SLC38A11: variants seen among roughly 807,000 people sequenced by gnomAD.
SLC38A11 encodes the protein putative sodium-coupled neutral amino acid transporter 11.
SLC38A11 carries 51 observed loss-of-function variants against 49.4 expected under a neutral mutation model. That is an observed-to-expected ratio of 1.03 (90% CI 0.83 to 1.30). The LOEUF (loss-of-function observed/expected upper bound fraction) is 1.30, where lower values mean the gene tolerates loss of function less well. Among genes scored for constraint, SLC38A11 ranks in the 50% most tolerant of loss-of-function variants. The pLI, the probability that SLC38A11 is intolerant of heterozygous loss-of-function variation, is 0.00. For missense variants in SLC38A11, 574 were observed against 556.2 expected, an observed-to-expected ratio of 1.03 and a Z score of -0.32; for synonymous variants, 203 against 192.9, an observed-to-expected ratio of 1.05 and a Z score of -0.43.
chr2:164,945,814 G>A (rs1463311622), intron 3 of SLC38A11, 87 bp from the exon 4 acceptor site: 2 of 1,459,874 alleles, frequency 1.4e-6, no homozygotes, highest in South Asian at 1.3e-5. Flanking sequence ...GAGAAAAGGG[G>A]AAATTTTAAA....
chr2:164,935,116 C>G (rs188547076), intron 7 of SLC38A11, among the ~76,000 whole-genome samples: 1 of 151,958 alleles, frequency 6.6e-6, no homozygotes, highest in Admixed American at 6.6e-5. Flanking sequence ...GGCACTGTCT[C>G]GGCTTCCCTT....
At chr2:164,906,952 G>A (rs1303756872) in intron 11 of SLC38A11, among the ~76,000 whole-genome samples, 1 of 152,124 alleles carries the variant, frequency 6.6e-6, no homozygotes, top group Non-Finnish European at 1.5e-5. Context: ...AATTCTCAAT[G>A]AAACGAGTAA....
intron 1 of SLC38A11, 38 bp from the exon 2 acceptor site, chr2:164,954,783 T>C: frequency 9.3e-7 from 1 of 1,071,686 alleles, no homozygotes; most frequent in South Asian, 1.7e-5. Context: ...AAATACTAGT[T>C]CAGAAAATTA....
At chr2:164,905,085 A>G (rs578175412) in intron 11 of SLC38A11, among the ~76,000 whole-genome samples, 2 of 152,084 alleles carry the variant, frequency 1.3e-5, no homozygotes, top group East Asian at 1.9e-4. Context: ...TAAGTACTCA[A>G]TACATGGTAG....
rs77381970 is a variant in SLC38A11, at chr2:164,936,094, G to A, written c.617+1256C>T. On this transcript the variant is annotated intron_variant, in intron 7 of 11. Coordinates refer to ENST00000685975, the MANE Select transcript of SLC38A11 (RefSeq NM_001351537.2). Reference sequence around the variant, plus strand: ...TTATGTTTTTTTGTTATGACATTCTGAGATGACCAATACAACTGTGAATCA... The same window carrying A: ...TTATGTTTTTTTGTTATGACATTCTAAGATGACCAATACAACTGTGAATCA... Among the ~76,000 whole-genome samples the A allele has an allele frequency of 1.2e-3, 185 of 152,186 alleles. 13 individuals carry two copies. In the East Asian group the frequency reaches 0.035, roughly 29 times the overall value.
rs201068627 is a variant in SLC38A11 at position 164,911,626 on chromosome 2, C to A, written c.963+10G>T. The A allele has an allele frequency of 2.0e-6, 3 of 1,466,156 alleles. No homozygotes were observed. Among genetic ancestry groups the A allele is most frequent in the South Asian group, 2.5e-5 (2 of 79,842 alleles). The allele number at this position is 1,466,156 out of a possible 1,614,324, so 90.8% of individuals were successfully genotyped here. On this transcript the variant is annotated intron_variant, in intron 10 of 11. Coordinates refer to ENST00000685975, the MANE Select transcript of SLC38A11 (RefSeq NM_001351537.2). Reference sequence around the variant, plus strand: ...ACCTGGGTAAAGCGTTGGGAAGGAACCGCGCTTACCTCTCTTGTCACAAAG... The same window carrying A: ...ACCTGGGTAAAGCGTTGGGAAGGAAACGCGCTTACCTCTCTTGTCACAAAG...
At chr2:164,911,564 T>C in intron 10 of SLC38A11, 72 bp downstream of exon 10, 5 of 729,894 alleles carry the variant, frequency 6.9e-6, no homozygotes, top group Non-Finnish European at 8.5e-6. Context: ...ACTGTATTAT[T>C]TATAAATCTT....
At chr2:164,910,470 G>T (rs528686553) in intron 10 of SLC38A11, among the ~76,000 whole-genome samples, 1 of 152,206 alleles carries the variant, frequency 6.6e-6, no homozygotes, top group South Asian at 2.1e-4. Flanking sequence ...AAAAAAATTA[G>T]TTCAGTCTAT....
intron 7 of SLC38A11, among the ~76,000 whole-genome samples, chr2:164,916,736 T>C (rs1359951412): frequency 6.6e-6 from 1 of 152,166 alleles, no homozygotes; most frequent in African/African-American, 2.4e-5. Flanking sequence ...TTAAACAGCT[T>C]GAAACAGGCT....
chr2:164,917,855 G>A (rs1424033778), intron 7 of SLC38A11, among the ~76,000 whole-genome samples: 1 of 151,764 alleles, frequency 6.6e-6, no homozygotes, highest in Non-Finnish European at 1.5e-5. Context: ...GGTTCCTTGG[G>A]TATATTCCCG....
chr2:164,934,516 T>G (rs1160002702), intron 7 of SLC38A11, among the ~76,000 whole-genome samples: 1 of 152,140 alleles, frequency 6.6e-6, no homozygotes, highest in Non-Finnish European at 1.5e-5. Flanking sequence ...GGCATCAGTA[T>G]TTTCTAAAGT....
At chr2:164,946,818 T>G (rs1445670677) in intron 3 of SLC38A11, among the ~76,000 whole-genome samples, 2 of 152,124 alleles carry the variant, frequency 1.3e-5, no homozygotes, top group South Asian at 4.1e-4. Context: ...TGCAAGCCAT[T>G]GCAATATGGT....
intron 7 of SLC38A11, among the ~76,000 whole-genome samples, chr2:164,933,474 T>A (rs558681972): frequency 2.0e-5 from 3 of 152,010 alleles, no homozygotes; most frequent in Non-Finnish European, 4.4e-5. Flanking sequence ...AAAGTAGAAT[T>A]TATGGCCCTA....
chr2:164,920,545 CG>C (rs1559103371), intron 7 of SLC38A11, among the ~76,000 whole-genome samples: 4 of 150,092 alleles, frequency 2.7e-5, no homozygotes, highest in Non-Finnish European at 5.9e-5. Context: ...AAGAGATATC[CG>C]AGGAGAAGAC....
At chr2:164,939,156 G>GA (rs1687573177) in intron 6 of SLC38A11, among the ~76,000 whole-genome samples, 1 of 151,984 alleles carries the variant, frequency 6.6e-6, no homozygotes, top group African/African-American at 2.4e-5. Context: ...CAATAAATTA[G>GA]ATTTGCTTTA....
Position 164,941,256 on chromosome 2 carries a change from C to T in SLC38A11, c.431-1700G>A, listed in dbSNP as rs898737091. ...TTGAAAAAATTTAAAAGCATGTGAA[C>T]ATGCTATTTTTTATACCAACATTTC... is the stretch of plus-strand genomic sequence containing the variant. On this transcript the variant is annotated intron_variant, in intron 5 of 11. Coordinates refer to ENST00000685975, the MANE Select transcript of SLC38A11 (RefSeq NM_001351537.2). Among the ~76,000 whole-genome samples the T allele has an allele frequency of 4.6e-5, 7 of 152,034 alleles. No homozygotes were observed. The South Asian group carries it at 1.5e-3, about 32-fold the overall frequency.
chr2:164,900,398 C>A (rs1016348832), intron 11 of SLC38A11, among the ~76,000 whole-genome samples: 9 of 151,992 alleles, frequency 5.9e-5, no homozygotes, highest in Admixed American at 4.6e-4. Context: ...ATTGACTATT[C>A]CAATGTACAT....
At position 164,939,467 on chromosome 2, in the gene SLC38A11, T is replaced by C; in HGVS notation, c.520A>G (p.Ile174Val). The stretch of plus-strand genomic sequence containing the variant: ...AAAATTACCTTTCCAAGCTTTGCTA[T>C]ATTTCGGTACAAGGATAAAGGCAGA... ...FTLPLSLYRN[I>V]AKLGKVSLIS... is the part of the protein sequence containing the mutation. Residue 174 changes from isoleucine (I) to valine (V), a missense_variant, in exon 6 of 12, where the codon ATA becomes GTA. Ile to Val is a conservative substitution (Grantham distance 29, BLOSUM62 3). Coordinates refer to ENST00000685975, the MANE Select transcript of SLC38A11 (RefSeq NM_001351537.2). The C allele has an allele frequency of 6.2e-7, 1 of 1,606,920 alleles. No individual in the cohort carries two copies. Among genetic ancestry groups the C allele is most frequent in the Non-Finnish European group, 8.5e-7 (1 of 1,175,938 alleles).
At chr2:164,938,576 T>C (rs1277289669) in intron 6 of SLC38A11, among the ~76,000 whole-genome samples, 1 of 152,188 alleles carries the variant, frequency 6.6e-6, no homozygotes, top group African/African-American at 2.4e-5. Flanking sequence ...CAGAAAAGCA[T>C]GTTTTGATAC....
Sources: allele counts gnomAD v4.1 joint callset (sites outside exome capture counted in the v4.1 genomes callset), GRCh38; gene constraint gnomAD v4.1.1; transcripts MANE v1.5; gene names NCBI Gene and HGNC (gene_info 2026-07-23, HGNC 2026-07-21).